TRMT2B: variants seen among roughly 807,000 people sequenced by gnomAD.
The protein encoded by TRMT2B is tRNA (uracil-5-)-methyltransferase homolog B.
In TRMT2B, 34 loss-of-function variants were observed where a neutral mutation model predicts 39.7. The observed-to-expected ratio is 0.86, with a 90% CI of 0.65 to 1.14. The LOEUF (loss-of-function observed/expected upper bound fraction) is 1.14. Ranked by LOEUF, TRMT2B falls within the 50% of genes most tolerant of loss-of-function variation. The pLI is 0.00. For missense variants in TRMT2B, 318 were observed against 377.2 expected (o/e 0.84, Z 1.30); for synonymous variants, 132 against 137.3 (o/e 0.96, Z 0.27).
intron 2 of TRMT2B, among the ~76,000 whole-genome samples, chrX:101,048,113 T>TACACAC (rs56212711): frequency 0.086 from 7,775 of 90,239 alleles, 289 homozygotes; most frequent in East Asian, 0.13. Context: ...TTTATACACA[T>TACACAC]ACACACACAC....
rs750102591 is a variant in TRMT2B, at chrX:101,010,807, G to T, written c.1389-100C>A. 6.0e-6 allele frequency: 5 copies of T among 831,665 alleles called. No individual in the cohort carries two copies. The East Asian group carries it at 1.3e-4, about 22-fold the overall frequency. 68.5% of individuals were successfully genotyped at this position (831,665 alleles called of 1,213,427 possible). A position where few individuals can be genotyped will look rare whatever the true frequency, so the allele number is the denominator to read the frequency against. On this transcript the variant is annotated intron_variant, in intron 13 of 13. Transcript: ENST00000372936. ...GAGGCCCTTCCACTGTGTTCCCACA[G>T]GCCCCCTGTGTTTCTCTTATACAGC...
chrX:101,020,532 A>G lies in TRMT2B; in HGVS notation c.1123T>C (p.Leu375=). The G allele has an allele frequency of 3.3e-6, 4 of 1,211,559 alleles. No homozygotes were observed. The highest frequency in any genetic ancestry group is 4.5e-6 in the Non-Finnish European group (4 of 895,151). The change falls in exon 11 of 14, where the codon TTG becomes CTG. Residue 375 remains leucine (L), a synonymous_variant. Transcript: ENST00000372936. ...CTTGCATCCTCCACTGCCTGCTCCA[A>G]CAATTCAATCCCAAGGACCCGAGAT... ...HTSRVLGIEL[L]EQAVEDARWT...
the TRMT2B span, among the ~76,000 whole-genome samples, chrX:100,976,490 G>T: frequency 2.7e-5 from 3 of 111,775 alleles, no homozygotes; most frequent in Non-Finnish European, 5.6e-5. Context: ...ACATTCTGAA[G>T]AATGTCTCAG....
At chrX:101,026,435 C>T (rs942585570) in intron 7 of TRMT2B, among the ~76,000 whole-genome samples, 2 of 100,961 alleles carry the variant, frequency 2.0e-5, no homozygotes, top group Non-Finnish European at 4.0e-5. Context: ...GAGATCACAC[C>T]ACAGCACTCC....
At chrX:101,038,809 G>A (rs966434811) in intron 4 of TRMT2B, among the ~76,000 whole-genome samples, 3 of 111,991 alleles carry the variant, frequency 2.7e-5, no homozygotes, top group Admixed American at 9.6e-5. Context: ...GAGTGCAGTA[G>A]TAAGATCTTG....
chrX:101,051,658 G>C lies in TRMT2B; in HGVS notation c.-431C>G. The C allele has an allele frequency of 1.3e-6, 1 of 755,046 alleles. No individual in the cohort carries two copies. The highest frequency in any genetic ancestry group is 1.6e-6 in the Non-Finnish European group (1 of 639,615). The allele number at this position is 755,046 out of a possible 1,213,427, so 62.2% of individuals were successfully genotyped here. On this transcript the variant is annotated 5_prime_UTR_variant, in exon 2 of 14. Coordinates refer to ENST00000372936, the MANE Select transcript of TRMT2B (RefSeq NM_024917.6). ...CCGTACACGACCTTGCGCAGTCACC[G>C]TCGGGTCCCGTCTCCAGCCCCGCCT...
downstream of TRMT2B, among the ~76,000 whole-genome samples, chrX:101,006,120 C>A (rs1167512383): frequency 3.7e-5 from 4 of 107,469 alleles, no homozygotes; most frequent in Non-Finnish European, 7.7e-5. Flanking sequence ...TCTCAGGAGG[C>A]TGAGGCGAGA....
chrX:101,004,681 A>G (rs1029340330), downstream of TRMT2B, among the ~76,000 whole-genome samples: 3 of 110,042 alleles, frequency 2.7e-5, no homozygotes, highest in South Asian at 7.8e-4. Flanking sequence ...TTGTATTTTT[A>G]GTAGAGATGG....
At chrX:101,034,186 G>C (rs765873549) in intron 7 of TRMT2B, among the ~76,000 whole-genome samples, 106 of 87,400 alleles carry the variant, frequency 1.2e-3, no homozygotes, top group African/African-American at 4.6e-3. Context: ...CTGTCACCCA[G>C]GATGGAGTGC....
the TRMT2B span, among the ~76,000 whole-genome samples, chrX:100,996,669 G>C: frequency 8.9e-6 from 1 of 111,745 alleles, no homozygotes; most frequent in African/African-American, 3.3e-5. Flanking sequence ...CTAACTCCAA[G>C]CCGACCAAAT....
chrX:101,025,204 T>C (rs948796814), intron 7 of TRMT2B, among the ~76,000 whole-genome samples: 2 of 112,001 alleles, frequency 1.8e-5, no homozygotes, highest in Non-Finnish European at 3.8e-5. Context: ...CTTCCCTTTC[T>C]GTGAATTCCT....
the TRMT2B span, among the ~76,000 whole-genome samples, chrX:100,995,758 G>A: frequency 1.2e-4 from 14 of 112,047 alleles, no homozygotes; most frequent in Admixed American, 1.3e-3. Flanking sequence ...CATTAAAGAT[G>A]GCAATTATGT....
At position 101,042,026 on chromosome X, in the gene TRMT2B, T is replaced by A; in HGVS notation, c.248+16A>T. On this transcript the variant is annotated intron_variant, in intron 3 of 13. Transcript: ENST00000372936. ...TGAGACCTGCTAAGGAGAGAGGACA[T>A]CAGCCTGGCCTTTACCTTTCCTGCC... 8.3e-7 allele frequency: 1 copy of A among 1,210,015 alleles called. No homozygotes were observed. Among genetic ancestry groups the A allele is most frequent in the Non-Finnish European group, 1.1e-6 (1 of 894,547 alleles).
At chrX:100,996,986 T>C in the TRMT2B span, among the ~76,000 whole-genome samples, 1 of 111,102 alleles carries the variant, frequency 9.0e-6, no homozygotes, top group South Asian at 3.7e-4. Flanking sequence ...TAGCCTTGCT[T>C]ATATGGAAAG....
chrX:101,008,841 C>T (rs2086149963), downstream of TRMT2B, among the ~76,000 whole-genome samples: 1 of 111,212 alleles, frequency 9.0e-6, no homozygotes, highest in Admixed American at 9.7e-5. Context: ...CACCCCTATA[C>T]CTTATTCAAA....
intron 7 of TRMT2B, among the ~76,000 whole-genome samples, chrX:101,028,894 T>TCC (rs1410759418): frequency 3.6e-5 from 4 of 111,339 alleles, no homozygotes; most frequent in African/African-American, 1.3e-4. Context: ...TCTCTCTCTC[T>TCC]CCTGCTTCAC....
chrX:100,988,529 C>T, the TRMT2B span: 15 of 1,115,436 alleles, frequency 1.3e-5, no homozygotes, highest in Admixed American at 2.8e-5. Context: ...TAGACTCCAG[C>T]TCCATATGCT....
At chrX:100,988,415 C>G in the TRMT2B span, 3 of 1,201,523 alleles carry the variant, frequency 2.5e-6, no homozygotes, top group African/African-American at 3.5e-5. Context: ...AAGAATATGT[C>G]AGTAACATTT....
At chrX:100,973,983 C>A in the TRMT2B span, 1 of 557,622 alleles carries the variant, frequency 1.8e-6, no homozygotes, top group Non-Finnish European at 2.9e-6. Flanking sequence ...CCACCTTCTA[C>A]TGCTTTGGCT....
Sources: allele counts gnomAD v4.1 joint callset (sites outside exome capture counted in the v4.1 genomes callset), GRCh38; gene constraint gnomAD v4.1.1; transcripts MANE v1.5; gene names NCBI Gene and HGNC (gene_info 2026-07-23, HGNC 2026-07-21).